RCN1: variants seen among roughly 807,000 people sequenced by gnomAD.
RCN1 encodes reticulocalbin 1.
In RCN1, 14 loss-of-function variants were observed where a neutral mutation model predicts 34.7. That is an observed-to-expected ratio of 0.40 (90% CI 0.27 to 0.63). The LOEUF (loss-of-function observed/expected upper bound fraction) is 0.63, where lower values mean the gene tolerates loss of function less well. Ranked by LOEUF, RCN1 falls within the 30% of genes least tolerant of loss-of-function variation. The probability of loss-of-function intolerance (pLI) is 0.37; values close to 1 mark genes in which losing one functional copy is unlikely to be tolerated. For synonymous variants in RCN1, 125 were observed against 165.5 expected (o/e 0.76, Z 1.88); for missense variants, 326 against 425.1 (o/e 0.77, Z 2.05).
intron 1 of RCN1, 39 bp downstream of exon 1, chr11:32,091,489 G>C: frequency 2.6e-6 from 4 of 1,530,060 alleles, no homozygotes; most frequent in South Asian, 2.4e-5. Context: ...GGCGGCGCAG[G>C]TGTCCGAGGG....
At chr11:32,094,855 G>T (rs949285382) in intron 1 of RCN1, among the ~76,000 whole-genome samples, 3 of 152,164 alleles carry the variant, frequency 2.0e-5, no homozygotes, top group African/African-American at 7.2e-5. Context: ...AAAGTGCTAG[G>T]CTTCATCTCC....
rs1387360809 is a variant in RCN1 at position 32,091,348 on chromosome 11, A to G, written c.152A>G (p.Glu51Gly). The change falls in exon 1 of 6, where the codon GAG becomes GGG. Residue 51 changes from glutamate to glycine, a missense_variant. Coordinates refer to ENST00000054950, the MANE Select transcript of RCN1 (RefSeq NM_002901.4). ...TCGGAGCTGGGCGAGCGGCCCCCTG[A>G]GGACAACCAGAGCTTCCAGTACGAC... ...PDSELGERPP[E>G]DNQSFQYDHE... is the part of the protein sequence containing the mutation. 3.9e-6 allele frequency: 6 copies of G among 1,548,880 alleles called. No individual in the cohort carries two copies. The highest frequency in any genetic ancestry group is 5.2e-6 in the Non-Finnish European group (6 of 1,146,342).
chr11:32,097,465 T>A (rs1320472262), intron 2 of RCN1, 128 bp downstream of exon 2: 9 of 542,918 alleles, frequency 1.7e-5, no homozygotes, highest in Non-Finnish European at 2.7e-5. Flanking sequence ...AGAACCTGCT[T>A]GTATAACACC....
intron 2 of RCN1, 43 bp downstream of exon 2, chr11:32,097,380 T>G (rs1590218485): frequency 7.2e-7 from 1 of 1,387,644 alleles, no homozygotes; most frequent in South Asian, 1.6e-5. Context: ...GGGGCCCAGA[T>G]CACAAGCTTT....
intron 1 of RCN1, among the ~76,000 whole-genome samples, chr11:32,094,844 G>A (rs1445643243): frequency 6.6e-6 from 1 of 152,220 alleles, no homozygotes; most frequent in East Asian, 1.9e-4. Context: ...GTGTTCTGAT[G>A]AAAGTGCTAG....
rs1851919161 is a variant in RCN1 at position 32,091,352 on chromosome 11, C to T, written c.156C>T (p.Asp52=). 6.5e-7 allele frequency: 1 copy of T among 1,549,312 alleles called. No individual in the cohort carries two copies. Among genetic ancestry groups the T allele is most frequent in the Admixed American group, 2.0e-5 (1 of 50,966 alleles). The part of the protein sequence containing the change: ...DSELGERPPE[D]NQSFQYDHEA... ...AGCTGGGCGAGCGGCCCCCTGAGGA[C>T]AACCAGAGCTTCCAGTACGACCACG... Residue 52 remains aspartate (D), a synonymous_variant, in exon 1 of 6, where the codon GAC becomes GAT. Transcript: ENST00000054950.
At chr11:32,104,303 T>C in intron 5 of RCN1, 62 bp from the exon 6 acceptor site, 2 of 955,226 alleles carry the variant, frequency 2.1e-6, no homozygotes, top group East Asian at 2.5e-5. Flanking sequence ...GACATGAACA[T>C]CATACAGAAC....
At position 32,104,340 on chromosome 11, in the gene RCN1, C is replaced by G. The variant is rs374926250; in HGVS notation, c.889-25C>G. On this transcript the variant is annotated intron_variant, in intron 5 of 5. Coordinates refer to ENST00000054950, the MANE Select transcript of RCN1 (RefSeq NM_002901.4). Reference sequence around the variant, plus strand: ...AGTACAGTTACCAGAGCTTCCATGACAGTGCTCTTTGATCTCTTCTATAGG... The same window carrying G: ...AGTACAGTTACCAGAGCTTCCATGAGAGTGCTCTTTGATCTCTTCTATAGG... 1.9e-5 allele frequency: 26 copies of G among 1,361,796 alleles called. No homozygotes were observed. The African/African-American group carries it at 3.1e-4, about 16-fold the overall frequency. 84.4% of individuals were successfully genotyped at this position (1,361,796 alleles called of 1,614,324 possible).
chr11:32,101,421 A>G (rs984092030), intron 4 of RCN1, among the ~76,000 whole-genome samples: 3 of 152,230 alleles, frequency 2.0e-5, no homozygotes, highest in Non-Finnish European at 4.4e-5. Context: ...GTGTTGACCT[A>G]TGAAAAGAGA....
chr11:32,092,783 G>A (rs1489150457), intron 1 of RCN1, among the ~76,000 whole-genome samples: 5 of 152,116 alleles, frequency 3.3e-5, no homozygotes, highest in Non-Finnish European at 7.4e-5. Context: ...TCCTGGGGGT[G>A]GAGGATCTTC....
rs1424467657 is a variant in RCN1, at chr11:32,104,649, T to C, written c.*177T>C. ...TTTACTGGAAAATGGACATCACTAGTCTTTCAGTAAGATTTCTCTCAAAAC... is the reference window on the plus strand; with the variant it reads ...TTTACTGGAAAATGGACATCACTAGCCTTTCAGTAAGATTTCTCTCAAAAC... On this transcript the variant is annotated 3_prime_UTR_variant, in exon 6 of 6. Coordinates refer to ENST00000054950, the MANE Select transcript of RCN1 (RefSeq NM_002901.4). 6 of 501,148 alleles carry C rather than the reference T, an allele frequency of 1.2e-5. No individual in the cohort carries two copies. The highest frequency in any genetic ancestry group is 2.1e-5 in the Non-Finnish European group (6 of 283,582). 31.0% of individuals were successfully genotyped at this position (501,148 alleles called of 1,614,324 possible).
intron 1 of RCN1, among the ~76,000 whole-genome samples, chr11:32,093,230 G>C (rs892935982): frequency 2.6e-5 from 4 of 152,172 alleles, no homozygotes; most frequent in Non-Finnish European, 5.9e-5. Context: ...GGTGAAGTTG[G>C]TCTGGATTTG....
chr11:32,094,382 A>T (rs1206152410), intron 1 of RCN1, among the ~76,000 whole-genome samples: 1 of 152,206 alleles, frequency 6.6e-6, no homozygotes, highest in Non-Finnish European at 1.5e-5. Flanking sequence ...ATGGTTTCAC[A>T]TACAGACCCC....
At position 32,091,376 on chromosome 11, in the gene RCN1, C is replaced by A. The variant is rs1488814247; in HGVS notation, c.180C>A (p.His60Gln). ...PEDNQSFQYD[H>Q]EAFLGKEDSK... ...ACAACCAGAGCTTCCAGTACGACCA[C>A]GAGGCCTTCCTGGGCAAGGAGGACT... The change falls in exon 1 of 6, where the codon CAC (histidine) becomes CAA (glutamine). Residue 60 changes from histidine to glutamine, a missense_variant. Coordinates refer to ENST00000054950, the MANE Select transcript of RCN1 (RefSeq NM_002901.4). 6.5e-7 allele frequency: 1 copy of A among 1,549,464 alleles called. No individual in the cohort carries two copies. The highest frequency in any genetic ancestry group is 2.4e-5 in the East Asian group (1 of 40,834).
chr11:32,100,662 C>T (rs1170257086), intron 4 of RCN1, 54 bp downstream of exon 4: 1 of 1,409,234 alleles, frequency 7.1e-7, no homozygotes, highest in Admixed American at 1.7e-5. Flanking sequence ...CACATGACCC[C>T]ACCCACACGT....
Position 32,103,301 on chromosome 11 carries a change from G to C in RCN1, c.709G>C (p.Glu237Gln), listed in dbSNP as rs752615911. ...EYIADMFSHE[E>Q]NGPEPDWVLS... is the part of the protein sequence containing the mutation. ...TCTAGCGGATATGTTTTCCCATGAG[G>C]AGAATGGCCCTGAGCCAGACTGGGT... The change falls in exon 5 of 6, where the codon GAG becomes CAG. Residue 237 changes from glutamate (E) to glutamine (Q), a missense_variant. Physicochemically the swap from Glu to Gln is conservative, Grantham distance 29. Coordinates refer to ENST00000054950, the MANE Select transcript of RCN1 (RefSeq NM_002901.4). 5 of 1,613,892 alleles carry C rather than the reference G, an allele frequency of 3.1e-6. No individual in the cohort carries two copies.
At chr11:32,104,246 T>A in intron 5 of RCN1, 119 bp from the exon 6 acceptor site, 1 of 629,766 alleles carries the variant, frequency 1.6e-6, no homozygotes, top group Non-Finnish European at 2.8e-6. Flanking sequence ...CCCAGTAGCT[T>A]CTGGATTACT....
At chr11:32,093,286 A>C (rs1172621113) in intron 1 of RCN1, among the ~76,000 whole-genome samples, 1 of 152,248 alleles carries the variant, frequency 6.6e-6, no homozygotes, top group Non-Finnish European at 1.5e-5. Context: ...TCATGCAACA[A>C]ACATTTGAAT....
intron 2 of RCN1, among the ~76,000 whole-genome samples, chr11:32,097,804 A>G (rs1339481689): frequency 1.3e-5 from 2 of 152,132 alleles, no homozygotes; most frequent in Non-Finnish European, 2.9e-5. Context: ...AGATGCAGCA[A>G]TGCATGCAGT....
Sources: gnomAD v4.1 joint callset for allele counts (sites outside exome capture counted in the v4.1 genomes callset) on GRCh38, gnomAD v4.1.1 for gene constraint, MANE v1.5 for transcripts, NCBI Gene and HGNC (gene_info 2026-07-23, HGNC 2026-07-21) for gene names.